ZFYVE28: variants seen among roughly 807,000 people sequenced by gnomAD.
The protein encoded by ZFYVE28 is zinc finger FYVE-type containing 28, also known as lateral signaling target protein 2 homolog.
In ZFYVE28, 40 loss-of-function variants were observed where a neutral mutation model predicts 82.1. That is an observed-to-expected ratio of 0.49 (90% CI 0.38 to 0.63). ZFYVE28 has a LOEUF of 0.63. Ranked by LOEUF, ZFYVE28 falls within the 30% of genes least tolerant of loss-of-function variation. The pLI is 0.00. For synonymous variants in ZFYVE28, 612 were observed against 546.1 expected, an observed-to-expected ratio of 1.12 and a Z score of -1.68; for missense variants, 1,321 against 1,242.1, an observed-to-expected ratio of 1.06 and a Z score of -0.96.
chr4:2,303,865 T>C (rs1716024728), intron 8 of ZFYVE28, among the ~76,000 whole-genome samples: 1 of 152,192 alleles, frequency 6.6e-6, no homozygotes, highest in Non-Finnish European at 1.5e-5. Context: ...CAAAGAGAAG[T>C]GGGCAGTGCG....
At chr4:2,316,129 C>T (rs1049087901) in intron 7 of ZFYVE28, 3 of 152,456 alleles carry the variant, frequency 2.0e-5, no homozygotes, top group Non-Finnish European at 4.4e-5. Context: ...ATTTTCTTAG[C>T]TTTAGAATGT....
chr4:2,387,333 G>T (rs1268803405), intron 1 of ZFYVE28, among the ~76,000 whole-genome samples: 1 of 152,206 alleles, frequency 6.6e-6, no homozygotes, highest in Non-Finnish European at 1.5e-5. Context: ...TTCACGGCCG[G>T]AAGTGACGCA....
intron 2 of ZFYVE28, among the ~76,000 whole-genome samples, chr4:2,352,923 C>T (rs1480642083): frequency 2.0e-5 from 3 of 152,224 alleles, no homozygotes; most frequent in South Asian, 2.1e-4. Flanking sequence ...ACCTCTCCTC[C>T]GTGGCACTTT....
Position 2,270,630 on chromosome 4 carries a change from G to T in ZFYVE28, c.*95C>A, listed in dbSNP as rs1006791242. The T allele has an allele frequency of 7.1e-6, 11 of 1,549,734 alleles. No homozygotes were observed. The highest frequency in any genetic ancestry group is 9.7e-6 in the Non-Finnish European group (11 of 1,138,994). On this transcript the variant is annotated 3_prime_UTR_variant, in exon 13 of 13. Coordinates refer to ENST00000290974, the MANE Select transcript of ZFYVE28 (RefSeq NM_020972.3). ...TGGGTGCCCCTGCAGCAGCGGCAGC[G>T]GCCTCATGAGACGCAGTGAGACCTG...
rs2696377 is a variant in ZFYVE28, at chr4:2,416,784, G to A, written c.39+1501C>T. ...AGGGAGGTTGGGAGCAGGGAGTGAC[G>A]CCACAGGAACCCTGAATCCCCCCGA... On this transcript the variant is annotated intron_variant, in intron 1 of 12. Coordinates refer to ENST00000290974, the MANE Select transcript of ZFYVE28 (RefSeq NM_020972.3). The surrounding 1 kb of genome is among the most constrained non-coding windows in gnomAD (Gnocchi z 4.6). 0.25 allele frequency among the ~76,000 whole-genome samples: 38,234 copies of A among 150,940 alleles called. 5,972 individuals carry two copies. Among genetic ancestry groups the A allele is most frequent in the African/African-American group, 0.44 (17,949 of 40,860 alleles).
At chr4:2,334,759 TC>T (rs1167760749) in intron 6 of ZFYVE28, among the ~76,000 whole-genome samples, 6 of 4,104 alleles carry the variant, frequency 1.5e-3, no homozygotes, top group African/African-American at 8.1e-3. Flanking sequence ...CCCCTCCCCT[TC>T]CCCCTCCCCA....
In ZFYVE28 at chr4:2,394,721, T is replaced by C. The variant is rs1040929592; in HGVS notation, c.39+23564A>G. 3.3e-5 allele frequency among the ~76,000 whole-genome samples: 5 copies of C among 152,266 alleles called. No homozygotes were observed. Among genetic ancestry groups the C allele is most frequent in the Admixed American group, 2.6e-4 (4 of 15,290 alleles). ...CCGATCCTGTGAACAGGCACCACTCTGCGCAGCTGCATCGATGCCTGACTG... is the reference window on the plus strand; with the variant it reads ...CCGATCCTGTGAACAGGCACCACTCCGCGCAGCTGCATCGATGCCTGACTG... On this transcript the variant is annotated intron_variant, in intron 1 of 12. Transcript: ENST00000290974. This position sits in a 1 kb window ranked among gnomAD's most constrained non-coding sequence, Gnocchi z 4.0.
At chr4:2,278,975 G>A (rs1204922744) in intron 8 of ZFYVE28, among the ~76,000 whole-genome samples, 1 of 151,560 alleles carries the variant, frequency 6.6e-6, no homozygotes, top group Non-Finnish European at 1.5e-5. Flanking sequence ...TGAAGTTGTG[G>A]TGAGGAAGGT....
At chr4:2,321,258 C>A (rs531371937) in intron 6 of ZFYVE28, among the ~76,000 whole-genome samples, 252 of 152,272 alleles carry the variant, frequency 1.7e-3, no homozygotes, top group Non-Finnish European at 2.8e-3. Flanking sequence ...AGACGTGACA[C>A]CAGGGTTAGG....
intron 6 of ZFYVE28, chr4:2,329,124 T>C: frequency 1.4e-6 from 1 of 700,234 alleles, no homozygotes; most frequent in Non-Finnish European, 2.6e-6. Context: ...ACATGAATTT[T>C]AGAACACCTT....
At chr4:2,285,307 C>T (rs1265155232) in intron 8 of ZFYVE28, 2 of 152,286 alleles carry the variant, frequency 1.3e-5, no homozygotes, top group African/African-American at 4.8e-5. Flanking sequence ...GCCTCCAGAA[C>T]TGCAAGACAA....
intron 5 of ZFYVE28, among the ~76,000 whole-genome samples, chr4:2,337,118 TC>T (rs1273832840): frequency 6.6e-6 from 1 of 151,530 alleles, no homozygotes; most frequent in East Asian, 2.0e-4. Flanking sequence ...CCAGCTTTTG[TC>T]CTCTGACAGT....
At chr4:2,405,536 G>A (rs17132536) in intron 1 of ZFYVE28, among the ~76,000 whole-genome samples, 44,155 of 152,194 alleles carry the variant, frequency 0.29, 7,441 homozygotes, top group East Asian at 0.5. Flanking sequence ...CCACATGGCC[G>A]AGCTGTAACC....
intron 1 of ZFYVE28, among the ~76,000 whole-genome samples, chr4:2,388,423 G>A (rs931017039): frequency 6.6e-6 from 1 of 152,100 alleles, no homozygotes; most frequent in Non-Finnish European, 1.5e-5. Flanking sequence ...TCCCACATCT[G>A]CTTGGAAATA....
Position 2,270,669 on chromosome 4 carries a change from C to T in ZFYVE28, c.*56G>A. On this transcript the variant is annotated 3_prime_UTR_variant, in exon 13 of 13. Transcript: ENST00000290974. ...CAGTGAGACCTGCCTGCAGCGTGGC[C>T]CCACCTTCCTGGGGGTTCCTGGCCC... 4.4e-6 allele frequency: 7 copies of T among 1,608,662 alleles called. No individual in the cohort carries two copies. Among genetic ancestry groups the T allele is most frequent in the Non-Finnish European group, 5.9e-6 (7 of 1,177,714 alleles).
chr4:2,271,292 T>C lies in ZFYVE28; in HGVS notation c.2532+19A>G. The C allele has an allele frequency of 1.2e-6, 2 of 1,610,160 alleles. No homozygotes were observed. Among genetic ancestry groups the C allele is most frequent in the Non-Finnish European group, 1.7e-6 (2 of 1,178,466 alleles). ...CCCTTGGATGCTGAGGGACCCTCCG[T>C]GCAAGGGGTCTCACCCACCTTCCCA... On this transcript the variant is annotated intron_variant, in intron 12 of 12. Transcript: ENST00000290974.
At chr4:2,350,410 G>T (rs745315461) in intron 2 of ZFYVE28, among the ~76,000 whole-genome samples, 17 of 151,952 alleles carry the variant, frequency 1.1e-4, no homozygotes, top group Non-Finnish European at 2.2e-4. Flanking sequence ...CTTGGACTGA[G>T]CCGAGATCGC....
At chr4:2,273,576 A>G (rs1012308750) in intron 9 of ZFYVE28, among the ~76,000 whole-genome samples, 3 of 152,220 alleles carry the variant, frequency 2.0e-5, no homozygotes, top group African/African-American at 7.2e-5. Flanking sequence ...GGTCACAGCC[A>G]TCACCACTAA....
In ZFYVE28 at chr4:2,320,146, C is replaced by T. The variant is rs201779005; in HGVS notation, c.803+24G>A. On this transcript the variant is annotated intron_variant, in intron 7 of 12. Transcript: ENST00000290974. The surrounding 1 kb of genome is among the most constrained non-coding windows in gnomAD (Gnocchi z 5.1). ...GCCCTCCTGTCCCCCTCCCCTCCCCCACCTCCTCTAGCTCCATCCCCACCT... is the reference window on the plus strand; with the variant it reads ...GCCCTCCTGTCCCCCTCCCCTCCCCTACCTCCTCTAGCTCCATCCCCACCT... 3 of 1,589,310 alleles carry T rather than the reference C, an allele frequency of 1.9e-6. No homozygotes were observed. Among genetic ancestry groups the T allele is most frequent in the Non-Finnish European group, 2.6e-6 (3 of 1,158,032 alleles).
Sources: allele counts gnomAD v4.1 joint callset (sites outside exome capture counted in the v4.1 genomes callset), GRCh38; gene constraint gnomAD v4.1.1; non-coding constraint Gnocchi (gnomAD v3.1); transcripts MANE v1.5; gene names NCBI Gene and HGNC (gene_info 2026-07-23, HGNC 2026-07-21).